Variants in FGF13 observed in about 807,000 individuals in gnomAD.
The protein encoded by FGF13 is fibroblast growth factor homologous factor 2.
Under a neutral mutation model 19.5 loss-of-function variants are expected in FGF13, and 2 were observed. The ratio of observed to expected loss-of-function variants is 0.10; its 90% CI spans 0.04 to 0.32. The LOEUF (loss-of-function observed/expected upper bound fraction) is 0.32. FGF13 is among the 10% of genes least tolerant of loss of function. FGF13 has a pLI of 1.00. For missense variants in FGF13, 113 were observed against 192.7 expected, an observed-to-expected ratio of 0.59 and a Z score of 2.45; for synonymous variants, 72 against 76.9, an observed-to-expected ratio of 0.94 and a Z score of 0.33.
Position 138,747,332 on chromosome X carries a change from T to C in FGF13, c.218-38404A>G, listed in dbSNP as rs765718066. ...ATCGCTTTTTTCATGATTTTCTTCATTGTTACCCTTCCTAAAAGAGAGTCT... is the reference window on the plus strand; with the variant it reads ...ATCGCTTTTTTCATGATTTTCTTCACTGTTACCCTTCCTAAAAGAGAGTCT... On this transcript the variant is annotated intron_variant, in intron 3 of 6. Coordinates refer to the FGF13 transcript ENST00000436198. Among the ~76,000 whole-genome samples, 9 of 111,425 alleles carry C rather than the reference T, an allele frequency of 8.1e-5. No individual in the cohort carries two copies. In the East Asian group the frequency reaches 2.0e-3, roughly 25 times the overall value.
At chrX:138,698,106 T>C (rs931323038) in intron 3 of FGF13, among the ~76,000 whole-genome samples, 6 of 110,002 alleles carry the variant, frequency 5.5e-5, no homozygotes, top group Admixed American at 9.8e-5. Flanking sequence ...TGATTCTCTG[T>C]GCCACAGATG....
intron 3 of FGF13, among the ~76,000 whole-genome samples, chrX:138,688,678 A>G (rs2089809879): frequency 1.8e-5 from 2 of 111,746 alleles, no homozygotes; most frequent in African/African-American, 6.5e-5. Flanking sequence ...TCCAATTTTT[A>G]AACTAAGGCA....
chrX:138,645,718 G>A (rs2089299984), intron 3 of FGF13, among the ~76,000 whole-genome samples: 1 of 112,230 alleles, frequency 8.9e-6, no homozygotes, highest in African/African-American at 3.2e-5. Flanking sequence ...TAAAAACAGA[G>A]AAGAAAAGCA....
intron 1 of FGF13, among the ~76,000 whole-genome samples, chrX:138,902,988 C>G (rs745533575): frequency 9.0e-6 from 1 of 110,965 alleles, no homozygotes; most frequent in South Asian, 3.8e-4. Context: ...AGTTTAAAAG[C>G]CAGTTGACAA....
intron 1 of FGF13, among the ~76,000 whole-genome samples, chrX:139,091,508 A>G (rs1000697419): frequency 9.0e-6 from 1 of 111,562 alleles, no homozygotes; most frequent in Non-Finnish European, 1.9e-5. Flanking sequence ...ACAATCATGC[A>G]TCTGGCACAG....
chrX:138,837,393 C>T (rs1178914133), intron 3 of FGF13, among the ~76,000 whole-genome samples: 2 of 111,390 alleles, frequency 1.8e-5, no homozygotes, highest in African/African-American at 3.3e-5. Flanking sequence ...ACCCCAGGTG[C>T]GAGGCTCCAC....
intron 1 of FGF13, among the ~76,000 whole-genome samples, chrX:139,045,154 C>G (rs965475541): frequency 1.8e-5 from 2 of 112,537 alleles, no homozygotes; most frequent in African/African-American, 3.2e-5. Flanking sequence ...TGAAAACCAC[C>G]TTGGCTTATG....
chrX:139,156,152 C>G (rs1334432172), intron 1 of FGF13, among the ~76,000 whole-genome samples: 1 of 112,128 alleles, frequency 8.9e-6, no homozygotes, highest in East Asian at 2.8e-4. Context: ...AGGGTTGAGC[C>G]CTGGTCAGCA....
At chrX:138,916,247 C>G (rs2091617745) in intron 1 of FGF13, among the ~76,000 whole-genome samples, 1 of 111,831 alleles carries the variant, frequency 8.9e-6, no homozygotes, top group Non-Finnish European at 1.9e-5. Context: ...TCTGACAATT[C>G]TTAGTGCACA....
rs756680238 is a variant in FGF13, at chrX:139,050,602, A to G, written c.-113+152814T>C. 2.7e-5 allele frequency among the ~76,000 whole-genome samples: 3 copies of G among 112,311 alleles called. No homozygotes were observed. The East Asian group carries it at 8.4e-4, about 32-fold the overall frequency. On this transcript the variant is annotated intron_variant, in intron 1 of 2. Coordinates refer to the FGF13 transcript ENST00000421460. Reference sequence around the variant, plus strand: ...CACAAAGTTATCTCTCTCAAGTAAAATGACACTAACAGCACCACTTTCTCT... The same window carrying G: ...CACAAAGTTATCTCTCTCAAGTAAAGTGACACTAACAGCACCACTTTCTCT...
intron 1 of FGF13, among the ~76,000 whole-genome samples, chrX:139,153,906 T>C (rs1463786422): frequency 9.0e-6 from 1 of 110,686 alleles, no homozygotes; most frequent in Non-Finnish European, 1.9e-5. Context: ...ATGTCAAAGA[T>C]TGTTAGCAAC....
chrX:138,652,493 A>C, intron 3 of FGF13, among the ~76,000 whole-genome samples: 1 of 111,861 alleles, frequency 8.9e-6, no homozygotes, highest in Non-Finnish European at 1.9e-5. Flanking sequence ...CTGACATAAA[A>C]ATTTACTAAA....
intron 1 of FGF13, among the ~76,000 whole-genome samples, chrX:139,069,716 C>T (rs1373500708): frequency 1.8e-5 from 2 of 112,133 alleles, no homozygotes; most frequent in Non-Finnish European, 1.9e-5. Context: ...CATCACGCTA[C>T]GTGACTTCAC....
chrX:139,194,956 C>T (rs1159405440), intron 1 of FGF13, among the ~76,000 whole-genome samples: 1 of 111,995 alleles, frequency 8.9e-6, no homozygotes, highest in Non-Finnish European at 1.9e-5. Flanking sequence ...CCACTGCCCA[C>T]CGCCGCTGCC....
chrX:138,779,260 C>G (rs1487149012), intron 3 of FGF13, among the ~76,000 whole-genome samples: 5 of 111,337 alleles, frequency 4.5e-5, no homozygotes, highest in Non-Finnish European at 7.5e-5. Context: ...CAGAGCACCT[C>G]TCCTCCTCCA....
intron 1 of FGF13, among the ~76,000 whole-genome samples, chrX:138,881,219 T>A (rs2091422152): frequency 1.8e-5 from 2 of 111,900 alleles, no homozygotes; most frequent in South Asian, 7.4e-4. Context: ...AATTTCCTTT[T>A]CGGATTTTTC....
intron 1 of FGF13, among the ~76,000 whole-genome samples, chrX:138,949,152 A>C (rs2091797340): frequency 8.9e-6 from 1 of 112,027 alleles, no homozygotes; most frequent in African/African-American, 3.2e-5. Flanking sequence ...AATCTGGAAA[A>C]GACATTATAT....
chrX:138,648,277 A>T (rs2089328864), intron 3 of FGF13, among the ~76,000 whole-genome samples: 1 of 111,146 alleles, frequency 9.0e-6, no homozygotes, highest in African/African-American at 3.3e-5. Flanking sequence ...CGTGCATCCA[A>T]ATCAAGTCCT....
intron 1 of FGF13, among the ~76,000 whole-genome samples, chrX:138,884,365 T>A (rs901822896): frequency 1.2e-4 from 13 of 112,053 alleles, no homozygotes; most frequent in African/African-American, 4.2e-4. Flanking sequence ...TCAGAGCCCA[T>A]GCAAGGGAGA....
Sources: allele counts gnomAD v4.1 joint callset (sites outside exome capture counted in the v4.1 genomes callset), GRCh38; gene constraint gnomAD v4.1.1; transcripts MANE v1.5; gene names NCBI Gene and HGNC (gene_info 2026-07-23, HGNC 2026-07-21).